KCNH1: variants seen among roughly 807,000 people sequenced by gnomAD.
KCNH1 encodes voltage-gated delayed rectifier potassium channel KCNH1.
In KCNH1, 27 loss-of-function variants were observed where a neutral mutation model predicts 69.2. The ratio of observed to expected loss-of-function variants is 0.39; its 90% CI spans 0.29 to 0.54. The LOEUF is 0.54. Ranked by LOEUF, KCNH1 falls within the 20% of genes least tolerant of loss-of-function variation. The pLI, the probability that KCNH1 is intolerant of heterozygous loss-of-function variation, is 0.68. For synonymous variants in KCNH1, 456 were observed against 487.7 expected, an observed-to-expected ratio of 0.93 and a Z score of 0.86; for missense variants, 798 against 1,261.6, an observed-to-expected ratio of 0.63 and a Z score of 5.57.
At chr1:210,834,204 T>C (rs7519481) in intron 7 of KCNH1, among the ~76,000 whole-genome samples, 125,937 of 150,936 alleles carry the variant, frequency 0.83, 52,722 homozygotes, top group African/African-American at 0.86. Context: ...CAAAGGACTA[T>C]AAATCATGCT....
At chr1:210,711,994 G>T (rs1682087606) in intron 10 of KCNH1, among the ~76,000 whole-genome samples, 1 of 152,172 alleles carries the variant, frequency 6.6e-6, no homozygotes, top group Admixed American at 6.5e-5. Flanking sequence ...AAGGACAGCT[G>T]CTCAGGGCCA....
At chr1:210,765,692 T>C (rs1390908883) in intron 10 of KCNH1, among the ~76,000 whole-genome samples, 1 of 152,016 alleles carries the variant, frequency 6.6e-6, no homozygotes, top group Non-Finnish European at 1.5e-5. Flanking sequence ...CTATGAAATA[T>C]ATAGGAAAAG....
intron 7 of KCNH1, chr1:210,859,537 A>G: frequency 6.3e-7 from 1 of 1,592,958 alleles, no homozygotes. Context: ...CTTAGCCAGA[A>G]TCTCCAAATA....
At chr1:210,833,503 T>C (rs1338694412) in intron 7 of KCNH1, among the ~76,000 whole-genome samples, 4 of 152,146 alleles carry the variant, frequency 2.6e-5, no homozygotes, top group Non-Finnish European at 5.9e-5. Flanking sequence ...GAAACCGGAT[T>C]CCTTCCTTAC....
intron 7 of KCNH1, among the ~76,000 whole-genome samples, chr1:210,887,722 CAA>C (rs35066964): frequency 0.5 from 27,469 of 54,922 alleles, 4,908 homozygotes; most frequent in African/African-American, 0.55. Context: ...AATGGAAAGC[CAA>C]AAAAAAAAAA....
In KCNH1 at chr1:210,819,237, C is replaced by A. The variant is rs144330470; in HGVS notation, c.1463-15071G>T. 4.6e-3 allele frequency among the ~76,000 whole-genome samples: 695 copies of A among 152,172 alleles called. 3 individuals are homozygous for A. Among genetic ancestry groups the A allele is most frequent in the African/African-American group, 0.016 (649 of 41,510 alleles). ...CTAGTTGAGAGGAAATAATCATAGG[C>A]TAGAGTCAGATTTTGCAGAGTCTAG... On this transcript the variant is annotated intron_variant, in intron 7 of 10. Coordinates refer to ENST00000271751, the MANE Select transcript of KCNH1 (RefSeq NM_172362.3).
At chr1:211,048,773 T>C (rs1250671153) in intron 5 of KCNH1, among the ~76,000 whole-genome samples, 1 of 152,110 alleles carries the variant, frequency 6.6e-6, no homozygotes, top group Non-Finnish European at 1.5e-5. Flanking sequence ...GTACCAAACC[T>C]CAGAAATCAC....
chr1:210,899,024 G>A (rs907980881), intron 7 of KCNH1, among the ~76,000 whole-genome samples: 3 of 152,122 alleles, frequency 2.0e-5, no homozygotes, highest in Non-Finnish European at 2.9e-5. Context: ...CACTTGTTCA[G>A]GTTAACCCTA....
intron 5 of KCNH1, among the ~76,000 whole-genome samples, chr1:211,058,092 C>T (rs910996391): frequency 2.0e-5 from 3 of 152,034 alleles, no homozygotes; most frequent in African/African-American, 7.2e-5. Context: ...AATTTCTTAT[C>T]CTATGATAGT....
chr1:211,025,153 C>A (rs1361687081), intron 5 of KCNH1, among the ~76,000 whole-genome samples: 3 of 152,202 alleles, frequency 2.0e-5, no homozygotes, highest in Non-Finnish European at 2.9e-5. Flanking sequence ...CCAAGCCAAG[C>A]TGGAAGGGAC....
chr1:210,864,585 C>T (rs991072607), intron 7 of KCNH1, among the ~76,000 whole-genome samples: 2 of 152,178 alleles, frequency 1.3e-5, no homozygotes, highest in African/African-American at 2.4e-5. Context: ...AGCTTTAGTG[C>T]CCAAATCCTA....
At chr1:210,802,036 C>A (rs553029155) in intron 8 of KCNH1, among the ~76,000 whole-genome samples, 1 of 152,288 alleles carries the variant, frequency 6.6e-6, no homozygotes, top group African/African-American at 2.4e-5. Context: ...TAAAATGAAT[C>A]GGGCCTCTTG....
chr1:210,777,295 G>C (rs1053128833), intron 9 of KCNH1, among the ~76,000 whole-genome samples: 4 of 152,226 alleles, frequency 2.6e-5, no homozygotes, highest in Admixed American at 1.3e-4. Context: ...AATGTGAGCT[G>C]AAAAACATTT....
chr1:210,802,885 C>T (rs1684458196), intron 8 of KCNH1, among the ~76,000 whole-genome samples: 1 of 152,012 alleles, frequency 6.6e-6, no homozygotes. Context: ...AACAAACCTG[C>T]ATGTTCTGCA....
chr1:210,796,553 C>T (rs1384237816), intron 9 of KCNH1, among the ~76,000 whole-genome samples: 3 of 152,114 alleles, frequency 2.0e-5, no homozygotes, highest in African/African-American at 7.2e-5. Flanking sequence ...CAACACGTTC[C>T]CCCGCATCCC....
At chr1:210,928,267 C>T (rs917402075) in intron 6 of KCNH1, among the ~76,000 whole-genome samples, 5 of 152,044 alleles carry the variant, frequency 3.3e-5, no homozygotes, top group African/African-American at 7.2e-5. Flanking sequence ...ATTCAGCACA[C>T]GGAACATCAG....
intron 6 of KCNH1, among the ~76,000 whole-genome samples, chr1:210,963,884 G>C (rs1688345028): frequency 6.6e-6 from 1 of 152,120 alleles, no homozygotes; most frequent in Admixed American, 6.6e-5. Flanking sequence ...TATTATCCAG[G>C]AGAACTCCCC....
intron 9 of KCNH1, among the ~76,000 whole-genome samples, chr1:210,781,988 G>T (rs1357033736): frequency 6.6e-6 from 1 of 152,108 alleles, no homozygotes; most frequent in Non-Finnish European, 1.5e-5. Flanking sequence ...GGCTTTCCAG[G>T]CACTGCCCCA....
intron 6 of KCNH1, among the ~76,000 whole-genome samples, chr1:210,949,703 G>T (rs1688026589): frequency 6.6e-6 from 1 of 152,172 alleles, no homozygotes; most frequent in Non-Finnish European, 1.5e-5. Flanking sequence ...TTAGTGATAT[G>T]ATCAGTGTTC....
Sources: gnomAD v4.1 joint callset for allele counts (sites outside exome capture counted in the v4.1 genomes callset) on GRCh38, gnomAD v4.1.1 for gene constraint, MANE v1.5 for transcripts, NCBI Gene and HGNC (gene_info 2026-07-23, HGNC 2026-07-21) for gene names.